The following MYO16 variants were observed in gnomAD, a reference collection of about 807,000 sequenced individuals.
MYO16 encodes unconventional myosin-XVI.
Under a neutral mutation model 205.3 loss-of-function variants are expected in MYO16, and 94 were observed. The observed-to-expected ratio is 0.46, with a 90% CI of 0.39 to 0.54. The LOEUF (loss-of-function observed/expected upper bound fraction) is 0.54. MYO16 is among the 20% of genes least tolerant of loss of function. MYO16 has a pLI of 0.00. For missense variants in MYO16, 2,315 were observed against 2,387.5 expected, an observed-to-expected ratio of 0.97 and a Z score of 0.63; for synonymous variants, 988 against 954.0, an observed-to-expected ratio of 1.04 and a Z score of -0.66.
chr13:108,562,809 C>A, the MYO16 span, among the ~76,000 whole-genome samples: 1 of 152,130 alleles, frequency 6.6e-6, no homozygotes, highest in Non-Finnish European at 1.5e-5. Flanking sequence ...ATAGGCTATA[C>A]CATATGGCTT....
intron 27 of MYO16, among the ~76,000 whole-genome samples, chr13:109,075,381 C>CT (rs758498810): frequency 6.8e-5 from 10 of 146,870 alleles, no homozygotes; most frequent in Admixed American, 3.4e-4. Context: ...CCAGCATTTC[C>CT]TTTTTTTTTC....
chr13:108,656,256 C>T (rs1881239849), intron 1 of MYO16, among the ~76,000 whole-genome samples: 3 of 152,110 alleles, frequency 2.0e-5, no homozygotes, highest in Non-Finnish European at 4.4e-5. Context: ...AGGGATTAAT[C>T]TCAGGAGATC....
chr13:109,176,167 A>G (rs759105141), intron 33 of MYO16, among the ~76,000 whole-genome samples: 17 of 152,038 alleles, frequency 1.1e-4, no homozygotes, highest in Non-Finnish European at 2.2e-4. Context: ...AAACTGTGTT[A>G]TTTTGATAGA....
intron 25 of MYO16, among the ~76,000 whole-genome samples, chr13:109,053,373 T>C (rs746617953): frequency 2.0e-5 from 3 of 152,000 alleles, no homozygotes; most frequent in South Asian, 2.1e-4. Flanking sequence ...GATCCTTTGA[T>C]GTAGTTGTTT....
the MYO16 span, among the ~76,000 whole-genome samples, chr13:108,544,045 A>G: frequency 6.8e-6 from 1 of 147,214 alleles, no homozygotes; most frequent in Admixed American, 6.9e-5. Context: ...AGTCTGGGCA[A>G]CAAGAGGGAA....
chr13:109,164,863 T>C (rs1201633056), intron 32 of MYO16, 38 bp from the exon 33 acceptor site: 1 of 1,314,340 alleles, frequency 7.6e-7, no homozygotes. Flanking sequence ...CAGTACATGT[T>C]ATCAGAAAAT....
intron 15 of MYO16, among the ~76,000 whole-genome samples, chr13:108,901,890 G>T (rs1420558209): frequency 6.6e-6 from 1 of 152,176 alleles, no homozygotes; most frequent in African/African-American, 2.4e-5. Flanking sequence ...GACCCACAGT[G>T]CCCTGAAGGG....
intron 9 of MYO16, among the ~76,000 whole-genome samples, chr13:108,834,385 C>G (rs866340566): frequency 6.6e-6 from 1 of 152,052 alleles, no homozygotes; most frequent in African/African-American, 2.4e-5. Context: ...AAAGACATTC[C>G]TGGGTTGTAA....
At chr13:108,554,818 C>T in the MYO16 span, among the ~76,000 whole-genome samples, 267 of 143,110 alleles carry the variant, frequency 1.9e-3, no homozygotes, top group African/African-American at 6.8e-3. Flanking sequence ...CCACTGCACT[C>T]CAGCCTGGGC....
intron 4 of MYO16, among the ~76,000 whole-genome samples, chr13:108,752,204 T>A (rs901534189): frequency 2.0e-5 from 3 of 152,156 alleles, no homozygotes; most frequent in African/African-American, 7.2e-5. Context: ...CCAACAAAAA[T>A]TATACATAAT....
chr13:108,798,372 T>C (rs1886855071), intron 6 of MYO16, among the ~76,000 whole-genome samples: 1 of 152,210 alleles, frequency 6.6e-6, no homozygotes, highest in African/African-American at 2.4e-5. Context: ...GGGAATAAAA[T>C]TCTAATAAGA....
intron 23 of MYO16, among the ~76,000 whole-genome samples, chr13:109,045,739 A>G (rs996169867): frequency 6.6e-6 from 1 of 152,246 alleles, no homozygotes; most frequent in Non-Finnish European, 1.5e-5. Flanking sequence ...AGGAAGTTGC[A>G]TCAGGGATCA....
chr13:108,805,073 T>C (rs1887073522), intron 6 of MYO16, among the ~76,000 whole-genome samples: 2 of 152,232 alleles, frequency 1.3e-5, no homozygotes, highest in Non-Finnish European at 2.9e-5. Flanking sequence ...GATTATTGCA[T>C]ATAGCACAGA....
At chr13:108,638,955 G>A (rs1054328285) in intron 1 of MYO16, among the ~76,000 whole-genome samples, 2 of 152,116 alleles carry the variant, frequency 1.3e-5, no homozygotes, top group Non-Finnish European at 2.9e-5. Context: ...AGGGAGGGAA[G>A]AAGGCCTGCA....
rs34317737 is a variant in MYO16 at position 109,127,859 on chromosome 13, T to TAAAAAAAAAAAAA, written c.4051+316_4051+328dup. ...ATGTAAAGGTTCACCAATGAGAAAG[T>TAAAAAAAAAAAAA]AAAAAAAAAAAAAAAAAAACTGCTT... On this transcript the variant is annotated intron_variant, in intron 31 of 34. Coordinates refer to ENST00000457511, the MANE Select transcript of MYO16 (RefSeq NM_001198950.3). This position sits in a 1 kb window ranked among gnomAD's most constrained non-coding sequence, Gnocchi z 4.2. Among the ~76,000 whole-genome samples the TAAAAAAAAAAAAA allele has an allele frequency of 7.5e-6, 1 of 132,632 alleles. No individual in the cohort carries two copies. Among genetic ancestry groups the TAAAAAAAAAAAAA allele is most frequent in the African/African-American group, 2.8e-5 (1 of 35,418 alleles). The allele number at this position is 132,632 out of a possible 152,430, so 87.0% of individuals were successfully genotyped here. A position where few individuals can be genotyped will look rare whatever the true frequency, so the allele number is the denominator to read the frequency against.
Position 108,985,467 on chromosome 13 carries a change from C to T in MYO16, c.2370-6909C>T, listed in dbSNP as rs150882682. 3.0e-3 allele frequency among the ~76,000 whole-genome samples: 464 copies of T among 152,292 alleles called. 11 individuals carry two copies. In the East Asian group the frequency reaches 0.03, roughly 10 times the overall value. On this transcript the variant is annotated intron_variant, in intron 20 of 34. Coordinates refer to ENST00000457511, the MANE Select transcript of MYO16 (RefSeq NM_001198950.3). Reference sequence around the variant, plus strand: ...AAGATACCCCCAAGAAGTGGACCTCCGCTTTGACAGCGTAGCATGTAGCTG... The same window carrying T: ...AAGATACCCCCAAGAAGTGGACCTCTGCTTTGACAGCGTAGCATGTAGCTG...
At chr13:108,858,234 T>C (rs1190619617) in intron 11 of MYO16, among the ~76,000 whole-genome samples, 1 of 152,220 alleles carries the variant, frequency 6.6e-6, no homozygotes, top group Non-Finnish European at 1.5e-5. Flanking sequence ...AATCAGAGTT[T>C]GAACTTCGTA....
At chr13:109,109,053 T>C (rs544015222) in intron 28 of MYO16, among the ~76,000 whole-genome samples, 2 of 152,170 alleles carry the variant, frequency 1.3e-5, no homozygotes, top group African/African-American at 4.8e-5. Flanking sequence ...AAAATAACTT[T>C]GCTATTACAA....
intron 4 of MYO16, among the ~76,000 whole-genome samples, chr13:108,743,061 C>T (rs563627409): frequency 7.9e-5 from 12 of 152,298 alleles, no homozygotes; most frequent in Non-Finnish European, 1.5e-4. Flanking sequence ...AATTCTAAAG[C>T]TGTGACAAAT....
Sources: allele counts gnomAD v4.1 joint callset (sites outside exome capture counted in the v4.1 genomes callset), GRCh38; gene constraint gnomAD v4.1.1; non-coding constraint Gnocchi (gnomAD v3.1); transcripts MANE v1.5; gene names NCBI Gene and HGNC (gene_info 2026-07-23, HGNC 2026-07-21).